Variants in ADAMTSL3 observed in about 807,000 individuals in gnomAD.
The protein encoded by ADAMTSL3 is ADAMTS like 3, also known as ADAMTS-like protein 3.
Under a neutral mutation model 201.7 loss-of-function variants are expected in ADAMTSL3, and 128 were observed. The ratio of observed to expected loss-of-function variants is 0.63; its 90% confidence interval spans 0.55 to 0.73. The LOEUF is 0.73. Ranked by LOEUF, ADAMTSL3 falls within the 30% of genes least tolerant of loss-of-function variation. The pLI is 0.00. For synonymous variants in ADAMTSL3, 738 were observed against 748.4 expected, an observed-to-expected ratio of 0.99 and a Z score of 0.23; for missense variants, 1,990 against 2,119.6, an observed-to-expected ratio of 0.94 and a Z score of 1.20.
At chr15:84,022,152 C>A (rs1343601695) in intron 26 of ADAMTSL3, among the ~76,000 whole-genome samples, 1 of 152,134 alleles carries the variant, frequency 6.6e-6, no homozygotes. Context: ...TTGATGACTA[C>A]ATCCTAGATG....
chr15:83,814,754 C>T (rs4477659), intron 5 of ADAMTSL3, among the ~76,000 whole-genome samples: 22,669 of 152,098 alleles, frequency 0.15, 2,265 homozygotes, highest in Middle Eastern at 0.31. Context: ...ATTATTTCTC[C>T]TGAGTCCCTA....
At chr15:83,991,405 C>T (rs1029374403) in intron 23 of ADAMTSL3, among the ~76,000 whole-genome samples, 191 bp downstream of exon 23, 6 of 152,164 alleles carry the variant, frequency 3.9e-5, no homozygotes, top group Non-Finnish European at 7.3e-5. Context: ...CTCATGAGAC[C>T]GATGTATAAA....
chr15:83,939,350 A>G (rs940984457), intron 17 of ADAMTSL3, among the ~76,000 whole-genome samples: 5 of 152,104 alleles, frequency 3.3e-5, no homozygotes, highest in Non-Finnish European at 7.4e-5. Flanking sequence ...TTTATTTTAG[A>G]TACTTTAAAT....
intron 4 of ADAMTSL3, among the ~76,000 whole-genome samples, chr15:83,778,486 T>C (rs1244320066): frequency 6.6e-6 from 1 of 152,138 alleles, no homozygotes; most frequent in Non-Finnish European, 1.5e-5. Context: ...TAAAATAAAT[T>C]CCAACCCAGA....
rs527442556 is a variant in ADAMTSL3, at chr15:83,731,861, C to G, written c.189+27353C>G. 2.0e-5 allele frequency among the ~76,000 whole-genome samples: 3 copies of G among 152,058 alleles called. No individual in the cohort carries two copies. In the South Asian group the frequency reaches 6.2e-4, roughly 32 times the overall value. ...CAGAAATAAAAATACTGCATGATCTCACTTATACGTGAAATCTAAAGATTA... is the reference window on the plus strand; with the variant it reads ...CAGAAATAAAAATACTGCATGATCTGACTTATACGTGAAATCTAAAGATTA... On this transcript the variant is annotated intron_variant, in intron 3 of 29. Transcript: ENST00000286744.
At chr15:83,744,765 A>G (rs1326645524) in intron 3 of ADAMTSL3, among the ~76,000 whole-genome samples, 2 of 152,226 alleles carry the variant, frequency 1.3e-5, no homozygotes, top group African/African-American at 4.8e-5. Flanking sequence ...ACAAATGAGC[A>G]TTAATTTTCA....
chr15:83,681,548 T>A (rs2061475848), intron 2 of ADAMTSL3, among the ~76,000 whole-genome samples: 1 of 152,236 alleles, frequency 6.6e-6, no homozygotes, highest in African/African-American at 2.4e-5. Flanking sequence ...GGGATTAATG[T>A]TAGGCAAATA....
intron 4 of ADAMTSL3, among the ~76,000 whole-genome samples, chr15:83,778,094 A>G (rs2141771938): frequency 6.6e-6 from 1 of 152,316 alleles, no homozygotes; most frequent in Admixed American, 6.5e-5. Flanking sequence ...AGGAATGAAC[A>G]AAACCTTTGA....
chr15:83,998,518 A>G (rs888073582), intron 23 of ADAMTSL3, among the ~76,000 whole-genome samples: 4 of 152,380 alleles, frequency 2.6e-5, no homozygotes, highest in Admixed American at 2.0e-4. Context: ...AGAATTTGAT[A>G]AATTTGAAAA....
At position 84,016,494 on chromosome 15, in the gene ADAMTSL3, C is replaced by G; in HGVS notation, c.4268C>G (p.Pro1423Arg). The change falls in exon 25 of 30, where the codon CCT becomes CGT. Residue 1423 changes from proline to arginine, a missense_variant. Pro to Arg is a moderately radical substitution (Grantham distance 103, BLOSUM62 -2). Coordinates refer to ENST00000286744, the MANE Select transcript of ADAMTSL3 (RefSeq NM_207517.3). The stretch of plus-strand genomic sequence containing the variant: ...AATGACCCAACAGGAGAACCCCCGC[C>G]TCAAGGTCTGGGATTTTGACCTTTT... ...NSNDPTGEPP[P>R]QEPFWEPGNW... 6.2e-7 allele frequency: 1 copy of G among 1,613,418 alleles called. No homozygotes were observed. Among genetic ancestry groups the G allele is most frequent in the Non-Finnish European group, 8.5e-7 (1 of 1,179,462 alleles).
chr15:83,676,815 C>T (rs2061412171), intron 2 of ADAMTSL3, among the ~76,000 whole-genome samples: 1 of 152,222 alleles, frequency 6.6e-6, no homozygotes, highest in Admixed American at 6.5e-5. Flanking sequence ...CTTGTTTGCC[C>T]CTTCTTCCAC....
At chr15:83,675,184 A>G (rs1256928659) in intron 2 of ADAMTSL3, among the ~76,000 whole-genome samples, 4 of 152,088 alleles carry the variant, frequency 2.6e-5, no homozygotes, top group Non-Finnish European at 5.9e-5. Context: ...AAAGGGATAT[A>G]AGACCTAAAA....
intron 5 of ADAMTSL3, among the ~76,000 whole-genome samples, chr15:83,818,122 A>G (rs1454331163): frequency 6.6e-6 from 1 of 152,218 alleles, no homozygotes. Context: ...AATAGTCTAT[A>G]AAATGTGCAT....
At chr15:83,906,479 A>G (rs144021151) in intron 15 of ADAMTSL3, among the ~76,000 whole-genome samples, 16 of 152,266 alleles carry the variant, frequency 1.1e-4, no homozygotes, top group African/African-American at 3.9e-4. Flanking sequence ...ATATTTATGC[A>G]TAAGGTCATG....
At chr15:83,961,446 A>G (rs1226697737) in intron 19 of ADAMTSL3, 1 of 152,246 alleles carries the variant, frequency 6.6e-6, no homozygotes, top group South Asian at 2.1e-4. Context: ...AAAAGCTTTT[A>G]TCTGCAAGTC....
At chr15:83,995,791 A>G (rs1235907408) in intron 23 of ADAMTSL3, among the ~76,000 whole-genome samples, 1 of 152,176 alleles carries the variant, frequency 6.6e-6, no homozygotes, top group Non-Finnish European at 1.5e-5. Flanking sequence ...TATAATTAAT[A>G]TGAAAGCACA....
At chr15:83,744,219 T>C (rs554060014) in intron 3 of ADAMTSL3, among the ~76,000 whole-genome samples, 1 of 152,336 alleles carries the variant, frequency 6.6e-6, no homozygotes, top group East Asian at 1.9e-4. Context: ...GCATACTTAA[T>C]TCTAATAGTT....
intron 21 of ADAMTSL3, among the ~76,000 whole-genome samples, chr15:83,985,002 G>C (rs532682923): frequency 1.3e-5 from 2 of 152,308 alleles, no homozygotes; most frequent in South Asian, 4.1e-4. Flanking sequence ...TAGTTGAAAT[G>C]TGCAATCTGA....
intron 23 of ADAMTSL3, among the ~76,000 whole-genome samples, chr15:84,010,662 A>G (rs1170762294): frequency 6.6e-6 from 1 of 152,240 alleles, no homozygotes; most frequent in Non-Finnish European, 1.5e-5. Flanking sequence ...TGGATGAATG[A>G]ATGAATTGAT....
Sources: gnomAD v4.1 joint callset for allele counts (sites outside exome capture counted in the v4.1 genomes callset) on GRCh38, gnomAD v4.1.1 for gene constraint, MANE v1.5 for transcripts, NCBI Gene and HGNC (gene_info 2026-07-23, HGNC 2026-07-21) for gene names.